Variants in ZNF217 observed in about 807,000 individuals in gnomAD.
ZNF217 encodes zinc finger protein 217.
A neutral mutation model predicts 73.3 loss-of-function variants in ZNF217; 12 were observed. The observed-to-expected ratio is 0.16, with a 90% CI of 0.10 to 0.27. The LOEUF (loss-of-function observed/expected upper bound fraction) is 0.27. Among genes scored for constraint, ZNF217 ranks in the 10% least tolerant of loss-of-function variants. The pLI, the probability that ZNF217 is intolerant of heterozygous loss-of-function variation, is 1.00. For synonymous variants in ZNF217, 588 were observed against 516.4 expected, an observed-to-expected ratio of 1.14 and a Z score of -1.88; for missense variants, 1,195 against 1,327.8, an observed-to-expected ratio of 0.90 and a Z score of 1.55.
In ZNF217 at chr20:53,577,337, C is replaced by A; in HGVS notation, c.1484-57G>T. ...GTGTATGAAAAGCACTGAAATAGAT[C>A]AAATATCTATTTATTAAGAAAACAG... On this transcript the variant is annotated intron_variant, in intron 3 of 5. Transcript: ENST00000371471. The A allele has an allele frequency of 2.1e-6, 3 of 1,409,516 alleles. No homozygotes were observed. The South Asian group carries it at 4.0e-5, about 19-fold the overall frequency. The allele number at this position is 1,409,516 out of a possible 1,614,324, so 87.3% of individuals were successfully genotyped here.
At position 53,582,917 on chromosome 20, in the gene ZNF217, CA is replaced by C; in HGVS notation, c.-92del. ...TCACCCCTCTAACAGCCCTGGGTTC[CA>C]AAAACCAGAGCAAATATTTATTATA... On this transcript the variant is annotated 5_prime_UTR_variant, in exon 2 of 6. Transcript: ENST00000371471. The surrounding 1 kb of genome is among the most constrained non-coding windows in gnomAD (Gnocchi z 4.8). 6.7e-6 allele frequency: 9 copies of C among 1,350,926 alleles called. No homozygotes were observed. The highest frequency in any genetic ancestry group is 9.1e-6 in the Non-Finnish European group (9 of 986,804). 83.7% of individuals were successfully genotyped at this position (1,350,926 alleles called of 1,614,324 possible). A position where few individuals can be genotyped will look rare whatever the true frequency, so the allele number is the denominator to read the frequency against.
In ZNF217 at chr20:53,575,898, G is replaced by T. The variant is rs777995948; in HGVS notation, c.2866C>A (p.Pro956Thr). 6.2e-7 allele frequency: 1 copy of T among 1,614,102 alleles called. No individual in the cohort carries two copies. The highest frequency in any genetic ancestry group is 8.5e-7 in the Non-Finnish European group (1 of 1,180,044). The part of the protein sequence containing the change: ...HMVRGITSLL[P>T]QDCVYPSQAL... ...TGCGACGGATACACACAGTCCTGCGGTAACAGTGATGTGATGCCTCTGACC... is the reference window on the plus strand; with the variant it reads ...TGCGACGGATACACACAGTCCTGCGTTAACAGTGATGTGATGCCTCTGACC... The change falls in exon 4 of 6, where the codon CCG (proline) becomes ACG (threonine). Residue 956 changes from proline (P) to threonine (T), a missense_variant. Transcript: ENST00000371471.
At chr20:53,584,807 C>T (rs1600726547) in intron 1 of ZNF217, among the ~76,000 whole-genome samples, 1 of 152,156 alleles carries the variant, frequency 6.6e-6, no homozygotes, top group East Asian at 1.9e-4. Context: ...TACATAGAAG[C>T]TTAAGTTTCA....
In ZNF217 at chr20:53,593,160, G is replaced by A. The variant is rs1988942524; in HGVS notation, c.-343+596C>T. Among the ~76,000 whole-genome samples, 5 of 152,222 alleles carry A rather than the reference G, an allele frequency of 3.3e-5. No individual in the cohort carries two copies. In the South Asian group the frequency reaches 1.0e-3, roughly 32 times the overall value. On this transcript the variant is annotated intron_variant, in intron 1 of 5. Transcript: ENST00000371471. ...GGCACCCGAGGGAGTCACGGGGCGCGCGTCGGGGTCCGCGGCGAGGCCCAG... is the reference window on the plus strand; with the variant it reads ...GGCACCCGAGGGAGTCACGGGGCGCACGTCGGGGTCCGCGGCGAGGCCCAG...
At chr20:53,578,635 T>C (rs118158891) in intron 2 of ZNF217, among the ~76,000 whole-genome samples, 185 bp from the exon 3 acceptor site, 14 of 152,346 alleles carry the variant, frequency 9.2e-5, no homozygotes, top group Middle Eastern at 3.4e-3. Context: ...TTTGAAGTTT[T>C]AGAGTGTTAT....
upstream of ZNF217, among the ~76,000 whole-genome samples, chr20:53,596,811 G>C (rs1254773118): frequency 3.3e-5 from 5 of 151,634 alleles, no homozygotes; most frequent in Non-Finnish European, 5.9e-5. Flanking sequence ...ACAAAGAATG[G>C]AACCAAAAGA....
rs1568676386 is a variant in ZNF217 at position 53,569,180 on chromosome 20, A to G, written c.*108T>C. 7.4e-7 allele frequency: 1 copy of G among 1,347,902 alleles called. No individual in the cohort carries two copies. 83.5% of individuals were successfully genotyped at this position (1,347,902 alleles called of 1,614,324 possible). A position where few individuals can be genotyped will look rare whatever the true frequency, so the allele number is the denominator to read the frequency against. On this transcript the variant is annotated 3_prime_UTR_variant, in exon 6 of 6. Coordinates refer to ENST00000371471, the MANE Select transcript of ZNF217 (RefSeq NM_006526.3). ...TTTATGTACAGTACAATCACAGCTT[A>G]TTTCAGTAGCTTTCACCATTCGCTT...
At chr20:53,569,812 G>A (rs1313854623) in intron 5 of ZNF217, among the ~76,000 whole-genome samples, 1 of 152,148 alleles carries the variant, frequency 6.6e-6, no homozygotes, top group African/African-American at 2.4e-5. Context: ...TCAGAATTCA[G>A]TAAAAGGCAG....
At chr20:53,594,553 C>CCCCGCCCCGCACCCCTCCT (rs1158414188), upstream of ZNF217, among the ~76,000 whole-genome samples, 1 of 151,696 alleles carries the variant, frequency 6.6e-6, no homozygotes, top group East Asian at 1.9e-4. Flanking sequence ...TCCCCGCGCC[C>CCCCGCCCCGCACCCCTCCT]CCCGCCCCGC....
chr20:53,588,590 CTATCTATATATATATA>C (rs1167364166), intron 1 of ZNF217, among the ~76,000 whole-genome samples: 14 of 26,734 alleles, frequency 5.2e-4, no homozygotes, highest in East Asian at 2.7e-3. Context: ...ATACACACAT[CTATCTATATATATATA>C]TATATATATA....
At position 53,569,203 on chromosome 20, in the gene ZNF217, C is replaced by T. The variant is rs1987879812; in HGVS notation, c.*85G>A. ...TTATTTCAGTAGCTTTCACCATTCG[C>T]TTCTCAAAGGATGAAGTAAAATTTA... is the stretch of plus-strand genomic sequence containing the variant. On this transcript the variant is annotated 3_prime_UTR_variant, in exon 6 of 6. Transcript: ENST00000371471. 1 of 1,350,934 alleles carries T rather than the reference C, an allele frequency of 7.4e-7. No homozygotes were observed. Among genetic ancestry groups the T allele is most frequent in the South Asian group, 1.2e-5 (1 of 85,084 alleles). The allele number at this position is 1,350,934 out of a possible 1,614,324, so 83.7% of individuals were successfully genotyped here. A position where few individuals can be genotyped will look rare whatever the true frequency, so the allele number is the denominator to read the frequency against.
At chr20:53,595,985 T>G (rs554014983), upstream of ZNF217, among the ~76,000 whole-genome samples, 1 of 152,190 alleles carries the variant, frequency 6.6e-6, no homozygotes, top group Admixed American at 6.5e-5. Flanking sequence ...ATAGCACTGA[T>G]AGTTAAAAAT....
At chr20:53,592,536 C>G (rs569566107) in intron 1 of ZNF217, among the ~76,000 whole-genome samples, 1 of 122,846 alleles carries the variant, frequency 8.1e-6, no homozygotes, top group Admixed American at 9.4e-5. Flanking sequence ...CCCAAGAAAG[C>G]GCCTTCCCGT....
Position 53,567,191 on chromosome 20 carries a change from A to C in ZNF217, c.*2097T>G, listed in dbSNP as rs1987778957. ...CGACAACTTAAGTATCAACAATTAA[A>C]ATAAATCAAACTGGAATGAAATAAA... is the stretch of plus-strand genomic sequence containing the variant. On this transcript the variant is annotated 3_prime_UTR_variant, in exon 6 of 6. Coordinates refer to ENST00000371471, the MANE Select transcript of ZNF217 (RefSeq NM_006526.3). 2 of 152,364 alleles carry C rather than the reference A, an allele frequency of 1.3e-5. No homozygotes were observed. The highest frequency in any genetic ancestry group is 2.4e-5 in the African/African-American group (1 of 41,202). The allele number at this position is 152,364 out of a possible 1,614,324, so 9.4% of individuals were successfully genotyped here. A position where few individuals can be genotyped will look rare whatever the true frequency, so the allele number is the denominator to read the frequency against.
At chr20:53,591,722 G>A (rs1226417037) in intron 1 of ZNF217, among the ~76,000 whole-genome samples, 1 of 152,172 alleles carries the variant, frequency 6.6e-6, no homozygotes, top group Non-Finnish European at 1.5e-5. Context: ...CTAGTGGCTT[G>A]CCTGTTATAT....
Position 53,575,909 on chromosome 20 carries a change from G to A in ZNF217, c.2855C>T (p.Thr952Ile). Residue 952 changes from threonine to isoleucine, a missense_variant, in exon 4 of 6, where the codon ACA (threonine) becomes ATA (isoleucine). By Grantham distance (89) the Thr-to-Ile change is moderately conservative. Transcript: ENST00000371471. ...LPKYHMVRGI[T>I]SLLPQDCVYP... is the part of the protein sequence containing the mutation. Reference sequence around the variant, plus strand: ...CACACAGTCCTGCGGTAACAGTGATGTGATGCCTCTGACCATATGGTACTT... The same window carrying A: ...CACACAGTCCTGCGGTAACAGTGATATGATGCCTCTGACCATATGGTACTT... 1.9e-6 allele frequency: 3 copies of A among 1,614,204 alleles called. No individual in the cohort carries two copies. Among genetic ancestry groups the A allele is most frequent in the Non-Finnish European group, 1.7e-6 (2 of 1,180,028 alleles).
At chr20:53,596,453 A>G (rs1989043891), upstream of ZNF217, among the ~76,000 whole-genome samples, 1 of 152,152 alleles carries the variant, frequency 6.6e-6, no homozygotes, top group African/African-American at 2.4e-5. Flanking sequence ...GGTTGCAAAT[A>G]CATACTGTGT....
At chr20:53,590,795 A>C (rs1988852608) in intron 1 of ZNF217, among the ~76,000 whole-genome samples, 1 of 152,232 alleles carries the variant, frequency 6.6e-6, no homozygotes, top group South Asian at 2.1e-4. Context: ...ATGAGGAGAT[A>C]GAAGGACTTA....
chr20:53,590,904 T>C (rs1988856449), intron 1 of ZNF217, among the ~76,000 whole-genome samples: 1 of 152,184 alleles, frequency 6.6e-6, no homozygotes, highest in African/African-American at 2.4e-5. Flanking sequence ...ACAAGTCCAC[T>C]GGAAGGGGAT....
Sources: allele counts gnomAD v4.1 joint callset (sites outside exome capture counted in the v4.1 genomes callset), GRCh38; gene constraint gnomAD v4.1.1; non-coding constraint Gnocchi (gnomAD v3.1); transcripts MANE v1.5; gene names NCBI Gene and HGNC (gene_info 2026-07-23, HGNC 2026-07-21).